NID2: variants seen among roughly 807,000 people sequenced by gnomAD.
NID2 encodes nidogen-2.
NID2 carries 83 observed loss-of-function variants against 145.4 expected under a neutral mutation model. The ratio of observed to expected loss-of-function variants is 0.57; its 90% CI spans 0.48 to 0.69. The LOEUF is 0.69. NID2 is among the 30% of genes least tolerant of loss of function. The pLI is 0.00. For missense variants in NID2, 1,807 were observed against 1,765.7 expected (o/e 1.02, Z -0.42); for synonymous variants, 739 against 701.3 (o/e 1.05, Z -0.85).
intron 2 of NID2, among the ~76,000 whole-genome samples, chr14:52,062,942 C>T (rs1893061221): frequency 6.6e-6 from 1 of 152,138 alleles, no homozygotes; most frequent in Admixed American, 6.5e-5. Context: ...TTGTCTCCAC[C>T]AAAATAGGCA....
chr14:52,035,856 G>GTATATATATATATATATATATA lies in NID2; in HGVS notation c.2257+2869_2257+2890dup, dbSNP rs60735637. Among the ~76,000 whole-genome samples the GTATATATATATATATATATATA allele has an allele frequency of 7.3e-3, 474 of 65,064 alleles. 5 individuals are homozygous for GTATATATATATATATATATATA. Among genetic ancestry groups the GTATATATATATATATATATATA allele is most frequent in the Admixed American group, 0.014 (100 of 6,952 alleles). The allele number at this position is 65,064 out of a possible 152,430, so 42.7% of individuals were successfully genotyped here. A position where few individuals can be genotyped will look rare whatever the true frequency, so the allele number is the denominator to read the frequency against. On this transcript the variant is annotated intron_variant, in intron 9 of 21. Coordinates refer to ENST00000216286, the MANE Select transcript of NID2 (RefSeq NM_007361.4). Reference sequence around the variant, plus strand: ...ACCACACCTGGCTAAATTTTTTTGTGTATATATATATATATATATATATGT... The same window carrying GTATATATATATATATATATATA: ...ACCACACCTGGCTAAATTTTTTTGTGTATATATATATATATATATATATATATATATATATATATATATATGT...
chr14:52,024,788 A>C (rs750119735), intron 12 of NID2, among the ~76,000 whole-genome samples: 27 of 152,180 alleles, frequency 1.8e-4, no homozygotes, highest in Non-Finnish European at 2.5e-4. Context: ...GGGCAAATTA[A>C]AAAATGACAA....
At chr14:52,039,204 A>G (rs1892187491) in intron 8 of NID2, among the ~76,000 whole-genome samples, 1 of 152,208 alleles carries the variant, frequency 6.6e-6, no homozygotes, top group African/African-American at 2.4e-5. Flanking sequence ...TATTATACAC[A>G]AAGAATAAGT....
In NID2 at chr14:52,038,754, C is replaced by T. The variant is rs149933876; in HGVS notation, c.2250G>A (p.Pro750=). The T allele has an allele frequency of 1.1e-5, 18 of 1,567,930 alleles. No individual in the cohort carries two copies. The highest frequency in any genetic ancestry group is 6.8e-5 in the East Asian group (3 of 44,206). Residue 750 remains proline, a synonymous_variant, in exon 9 of 22, where the codon CCG becomes CCA. Coordinates refer to ENST00000216286, the MANE Select transcript of NID2 (RefSeq NM_007361.4). ...CAAAAAAGGAAACCTTACCTTTGAC[C>T]GGGCCAATTTGATTGGTCACAGCAA... is the stretch of plus-strand genomic sequence containing the variant. The part of the protein sequence containing the change: ...LRFAVTNQIG[P]VKEDSDPTPG...
intron 12 of NID2, among the ~76,000 whole-genome samples, chr14:52,022,980 C>G (rs1891456436): frequency 6.6e-6 from 1 of 152,176 alleles, no homozygotes; most frequent in Non-Finnish European, 1.5e-5. Flanking sequence ...AATTGGGCAC[C>G]CTGCTGATTG....
intron 2 of NID2, among the ~76,000 whole-genome samples, chr14:52,066,504 C>T (rs1342155586): frequency 1.3e-5 from 2 of 152,060 alleles, no homozygotes; most frequent in Non-Finnish European, 2.9e-5. Context: ...ATGGATACCC[C>T]ATTCTCCAAG....
chr14:52,068,910 C>T lies in NID2; in HGVS notation c.85G>A (p.Ala29Thr), dbSNP rs758004106. 4 of 1,614,056 alleles carry T rather than the reference C, an allele frequency of 2.5e-6. No homozygotes were observed. The highest frequency in any genetic ancestry group is 2.2e-5 in the East Asian group (1 of 44,876). The change falls in exon 1 of 22, where the codon GCG becomes ACG. Residue 29 changes from alanine (A) to threonine (T), a missense_variant. Transcript: ENST00000216286. Reference sequence around the variant, plus strand: ...AAGAGCTCGTCTGGGTGCAGCGCCGCGGCCCGCAACATTAGCAACGGCAGC... The same window carrying T: ...AAGAGCTCGTCTGGGTGCAGCGCCGTGGCCCGCAACATTAGCAACGGCAGC... ...LLLPLLMLRA[A>T]ALHPDELFPH...
In NID2 at chr14:52,068,905, C is replaced by G. The variant is rs779213266; in HGVS notation, c.90G>C (p.Ala30=). 6.2e-7 allele frequency: 1 copy of G among 1,614,034 alleles called. No homozygotes were observed. Among genetic ancestry groups the G allele is most frequent in the East Asian group, 2.2e-5 (1 of 44,882 alleles). Residue 30 remains alanine (A), a synonymous_variant, in exon 1 of 22, where the codon GCG becomes GCC. Coordinates refer to ENST00000216286, the MANE Select transcript of NID2 (RefSeq NM_007361.4). ...LLPLLMLRAA[A]LHPDELFPHG... ...GTGGGAAGAGCTCGTCTGGGTGCAG[C>G]GCCGCGGCCCGCAACATTAGCAACG...
chr14:52,009,851 G>C (rs1321551426), intron 18 of NID2: 1 of 152,502 alleles, frequency 6.6e-6, no homozygotes, highest in South Asian at 2.1e-4. Context: ...GCTGGGCATG[G>C]TGGCACATGC....
intron 6 of NID2, 109 bp downstream of exon 6, chr14:52,042,673 A>C: frequency 8.7e-7 from 1 of 1,149,412 alleles, no homozygotes; most frequent in Non-Finnish European, 1.3e-6. Context: ...TAGCACTCTG[A>C]TTTAAGTAGT....
At position 52,029,542 on chromosome 14, in the gene NID2, C is replaced by G. The variant is rs760768138; in HGVS notation, c.2401+5G>C. On this transcript the variant is annotated splice_donor_5th_base_variant and intron_variant, in intron 10 of 21. Coordinates refer to ENST00000216286, the MANE Select transcript of NID2 (RefSeq NM_007361.4). ...AAGAAGGAGACACGAGAACATGGCT[C>G]TTACCCACACAGTTCCGTCCATCTC... is the stretch of plus-strand genomic sequence containing the variant. 1 of 1,607,564 alleles carries G rather than the reference C, an allele frequency of 6.2e-7. No homozygotes were observed. Among genetic ancestry groups the G allele is most frequent in the South Asian group, 1.1e-5 (1 of 90,740 alleles).
rs556730696 is a variant in NID2, at chr14:52,005,253, TTC to T, written c.*231_*232del. 207 of 385,604 alleles carry T rather than the reference TTC, an allele frequency of 5.4e-4. 1 individual carries two copies. Among genetic ancestry groups the T allele is most frequent in the African/African-American group, 3.7e-3 (181 of 48,344 alleles). The allele number at this position is 385,604 out of a possible 1,614,324, so 23.9% of individuals were successfully genotyped here. A position where few individuals can be genotyped will look rare whatever the true frequency, so the allele number is the denominator to read the frequency against. ...TTGCTTTAATAAGCAACAGTTAAAA[TTC>T]TGTTACCTTTTTAAACTTGCAATAA... On this transcript the variant is annotated 3_prime_UTR_variant, in exon 22 of 22. Coordinates refer to ENST00000216286, the MANE Select transcript of NID2 (RefSeq NM_007361.4).
chr14:52,030,565 A>AAAGAAAGAAAGG (rs1566755624), intron 9 of NID2, among the ~76,000 whole-genome samples: 2 of 48,934 alleles, frequency 4.1e-5, no homozygotes, highest in African/African-American at 1.3e-4. Context: ...AGAAAGAAAG[A>AAAGAAAGAAAGG]AAGGAAGGAA....
chr14:52,051,522 G>C (rs944795035), intron 5 of NID2, among the ~76,000 whole-genome samples: 3 of 152,124 alleles, frequency 2.0e-5, no homozygotes, highest in East Asian at 1.9e-4. Flanking sequence ...ACATGGCTGG[G>C]TACTTAGTAC....
intron 5 of NID2, among the ~76,000 whole-genome samples, chr14:52,045,829 C>A (rs899968267): frequency 6.6e-6 from 1 of 152,186 alleles, no homozygotes; most frequent in African/African-American, 2.4e-5. Flanking sequence ...GAATGAGGGG[C>A]TGCAGAAAGC....
chr14:52,009,401 G>A (rs1190055407), intron 18 of NID2: 5 of 152,216 alleles, frequency 3.3e-5, no homozygotes, highest in African/African-American at 1.2e-4. Flanking sequence ...TCTATAGAAA[G>A]CAAATGAGAA....
intron 9 of NID2, among the ~76,000 whole-genome samples, chr14:52,037,169 T>C (rs1892102201): frequency 6.6e-6 from 1 of 152,222 alleles, no homozygotes; most frequent in Admixed American, 6.5e-5. Flanking sequence ...TTCAACTTCA[T>C]TCTTTTGTAT....
chr14:52,054,786 T>A (rs1004275630), intron 3 of NID2, among the ~76,000 whole-genome samples: 2 of 152,210 alleles, frequency 1.3e-5, no homozygotes, highest in African/African-American at 4.8e-5. Context: ...AAAAGCAGAC[T>A]TACATGGTAA....
intron 9 of NID2, among the ~76,000 whole-genome samples, chr14:52,036,879 G>A (rs553673237): frequency 3.3e-5 from 5 of 151,786 alleles, no homozygotes; most frequent in East Asian, 1.9e-4. Flanking sequence ...AAGATACTTC[G>A]TATACTCTAG....
Sources: gnomAD v4.1 joint callset for allele counts (sites outside exome capture counted in the v4.1 genomes callset) on GRCh38, gnomAD v4.1.1 for gene constraint, MANE v1.5 for transcripts, NCBI Gene and HGNC (gene_info 2026-07-23, HGNC 2026-07-21) for gene names.